CAMTA1: variants seen among roughly 807,000 people sequenced by gnomAD.
The protein encoded by CAMTA1 is calmodulin-binding transcription activator 1.
In CAMTA1, 27 loss-of-function variants were observed where a neutral mutation model predicts 170.9. The observed-to-expected ratio is 0.16, with a 90% CI of 0.12 to 0.22. The LOEUF (loss-of-function observed/expected upper bound fraction) is 0.22. Among genes scored for constraint, CAMTA1 ranks in the 10% least tolerant of loss-of-function variants. The probability of loss-of-function intolerance (pLI) is 1.00; values close to 1 mark genes in which losing one functional copy is unlikely to be tolerated. For synonymous variants in CAMTA1, 833 were observed against 891.5 expected, an observed-to-expected ratio of 0.93 and a Z score of 1.17; for missense variants, 1,619 against 2,217.2, an observed-to-expected ratio of 0.73 and a Z score of 5.42.
intron 4 of CAMTA1, among the ~76,000 whole-genome samples, chr1:7,193,556 G>T (rs976938893): frequency 6.6e-6 from 1 of 151,822 alleles, no homozygotes; most frequent in African/African-American, 2.4e-5. Context: ...GAAACATGAG[G>T]GGAGGGGATG....
intron 11 of CAMTA1, among the ~76,000 whole-genome samples, chr1:7,688,819 CTT>C (rs1430517115): frequency 1.3e-5 from 2 of 152,202 alleles, no homozygotes; most frequent in African/African-American, 4.8e-5. Context: ...TCAAAATAGT[CTT>C]TGATAGGCTG....
At chr1:7,430,845 TAG>T (rs982725231) in intron 5 of CAMTA1, among the ~76,000 whole-genome samples, 2 of 152,254 alleles carry the variant, frequency 1.3e-5, no homozygotes, top group African/African-American at 4.8e-5. Flanking sequence ...TGTTTCCTAT[TAG>T]AGTCTCATGC....
At chr1:7,414,106 C>A (rs1438679946) in intron 5 of CAMTA1, among the ~76,000 whole-genome samples, 1 of 152,104 alleles carries the variant, frequency 6.6e-6, no homozygotes, top group Non-Finnish European at 1.5e-5. Context: ...AGGGATGAAG[C>A]CCACTTGATC....
chr1:7,632,427 G>A (rs1427882987), intron 6 of CAMTA1, among the ~76,000 whole-genome samples: 1 of 152,148 alleles, frequency 6.6e-6, no homozygotes, highest in Non-Finnish European at 1.5e-5. Context: ...ATGAGAACTG[G>A]CACGAGATTA....
intron 4 of CAMTA1, among the ~76,000 whole-genome samples, chr1:7,230,431 G>GACC (rs1662522318): frequency 1.4e-5 from 1 of 69,268 alleles, no homozygotes; most frequent in Non-Finnish European, 2.6e-5. Context: ...GCTCTGGGCT[G>GACC]ACCCCCCCCC....
chr1:7,321,864 GC>G (rs1678469911), intron 5 of CAMTA1, among the ~76,000 whole-genome samples: 1 of 151,996 alleles, frequency 6.6e-6, no homozygotes, highest in African/African-American at 2.4e-5. Context: ...TTCTTATCAG[GC>G]CCAGCACCTC....
intron 6 of CAMTA1, among the ~76,000 whole-genome samples, chr1:7,586,775 T>C (rs1297474224): frequency 6.6e-6 from 1 of 151,966 alleles, no homozygotes; most frequent in Admixed American, 6.5e-5. Flanking sequence ...ACCAGGAAGA[T>C]AGGAGGGGCT....
intron 5 of CAMTA1, among the ~76,000 whole-genome samples, chr1:7,345,646 C>G (rs902727990): frequency 6.6e-6 from 1 of 152,140 alleles, no homozygotes; most frequent in African/African-American, 2.4e-5. Context: ...CTGCTAGAGC[C>G]CAAACTCATG....
intron 6 of CAMTA1, among the ~76,000 whole-genome samples, chr1:7,627,904 G>A (rs1239460630): frequency 6.6e-6 from 1 of 152,236 alleles, no homozygotes; most frequent in East Asian, 1.9e-4. Context: ...AGCAATCATA[G>A]CGGTGGGGGT....
rs371055554 is a variant in CAMTA1, at chr1:7,236,026, C to G, written c.303-13465C>G. Among the ~76,000 whole-genome samples, 168 of 152,300 alleles carry G rather than the reference C, an allele frequency of 1.1e-3. 1 individual carries two copies. Among genetic ancestry groups the G allele is most frequent in the Middle Eastern group, 3.4e-3 (1 of 294 alleles). On this transcript the variant is annotated intron_variant, in intron 4 of 22. Transcript: ENST00000303635. ...CGGGCCTGTCAGCCTTCTCTTCCCC[C>G]TCTTTTCATAAACAGCTGAGAGTGG...
At chr1:6,841,026 C>T (rs1254123615) in intron 3 of CAMTA1, among the ~76,000 whole-genome samples, 1 of 152,170 alleles carries the variant, frequency 6.6e-6, no homozygotes, top group African/African-American at 2.4e-5. Flanking sequence ...TATGGAGGCC[C>T]TAGAGAGGAA....
At chr1:7,296,255 A>C (rs528509461) in intron 5 of CAMTA1, among the ~76,000 whole-genome samples, 2 of 152,334 alleles carry the variant, frequency 1.3e-5, no homozygotes, top group African/African-American at 4.8e-5. Flanking sequence ...TTACAGACGA[A>C]AATGGAGGCC....
intron 3 of CAMTA1, among the ~76,000 whole-genome samples, chr1:7,025,924 C>T (rs1701956502): frequency 6.6e-6 from 1 of 152,042 alleles, no homozygotes; most frequent in South Asian, 2.1e-4. Context: ...AGAGACCAGC[C>T]TGGGCAACAA....
intron 7 of CAMTA1, among the ~76,000 whole-genome samples, chr1:7,653,877 A>C (rs967279313): frequency 9.9e-5 from 15 of 152,182 alleles, no homozygotes; most frequent in Admixed American, 9.2e-4. Flanking sequence ...GCTCCTAGGG[A>C]CAGGCATGAG....
rs1681304754 is a variant in CAMTA1, at chr1:6,918,471, T to C, written c.234+93261T>C. The stretch of plus-strand genomic sequence containing the variant: ...ATAGAAAAGTCATTGGAATAGAATG[T>C]TGTCACAGATAAATGTCTCCCAATT... On this transcript the variant is annotated intron_variant, in intron 3 of 22. Transcript: ENST00000303635. The surrounding 1 kb of genome is among the most constrained non-coding windows in gnomAD (Gnocchi z 4.0). Among the ~76,000 whole-genome samples, 2 of 152,200 alleles carry C rather than the reference T, an allele frequency of 1.3e-5. No individual in the cohort carries two copies. The highest frequency in any genetic ancestry group is 1.3e-4 in the Admixed American group (2 of 15,284).
rs965651810 is a variant in CAMTA1, at chr1:7,767,128, T to C, written c.*637T>C. 3 of 152,796 alleles carry C rather than the reference T, an allele frequency of 2.0e-5. No homozygotes were observed. Among genetic ancestry groups the C allele is most frequent in the African/African-American group, 7.2e-5 (3 of 41,428 alleles). The allele number at this position is 152,796 out of a possible 1,614,324, so 9.5% of individuals were successfully genotyped here. ...TTTTGAAATCTGCAGGTTTTTAATG[T>C]CTTGTGGAAATTTGCAGAGGGGCAG... On this transcript the variant is annotated 3_prime_UTR_variant, in exon 23 of 23. Transcript: ENST00000303635.
At chr1:7,717,431 C>T (rs528240569) in intron 11 of CAMTA1, among the ~76,000 whole-genome samples, 2 of 152,066 alleles carry the variant, frequency 1.3e-5, no homozygotes, top group African/African-American at 2.4e-5. Context: ...GCAATAAATA[C>T]GTACAATTTA....
At position 7,219,710 on chromosome 1, in the gene CAMTA1, G is replaced by A. The variant is rs1448837531; in HGVS notation, c.303-29781G>A. On this transcript the variant is annotated intron_variant, in intron 4 of 22. Transcript: ENST00000303635. ...AGGTTTAGGTGAAGTTGTGAGGGTG[G>A]GGCCCCATGATAGGATTAGTGCCCT... Among the ~76,000 whole-genome samples, 3 of 152,036 alleles carry A rather than the reference G, an allele frequency of 2.0e-5. No individual in the cohort carries two copies. The East Asian group carries it at 5.8e-4, about 30-fold the overall frequency.
intron 4 of CAMTA1, among the ~76,000 whole-genome samples, chr1:7,112,982 G>C (rs1644155198): frequency 6.6e-6 from 1 of 152,172 alleles, no homozygotes; most frequent in African/African-American, 2.4e-5. Context: ...TCACCCCATT[G>C]GTGGAAACCT....
Sources: allele counts gnomAD v4.1 joint callset (sites outside exome capture counted in the v4.1 genomes callset), GRCh38; gene constraint gnomAD v4.1.1; non-coding constraint Gnocchi (gnomAD v3.1); transcripts MANE v1.5; gene names NCBI Gene and HGNC (gene_info 2026-07-23, HGNC 2026-07-21).